VDAC1: variants seen among roughly 807,000 people sequenced by gnomAD.
VDAC1 encodes the protein non-selective voltage-gated ion channel VDAC1.
Under a neutral mutation model 34.7 loss-of-function variants are expected in VDAC1, and 10 were observed. The observed-to-expected ratio is 0.29, with a 90% CI of 0.18 to 0.49. The LOEUF is 0.49. Among genes scored for constraint, VDAC1 ranks in the 20% least tolerant of loss-of-function variants. The pLI, the probability that VDAC1 is intolerant of heterozygous loss-of-function variation, is 0.99. For missense variants in VDAC1, 230 were observed against 347.9 expected (o/e 0.66, Z 2.69); for synonymous variants, 130 against 136.0 (o/e 0.96, Z 0.30).
chr5:133,980,648 A>C, intron 6 of VDAC1, 81 bp downstream of exon 6: 1 of 1,024,382 alleles, frequency 9.8e-7, no homozygotes, highest in South Asian at 1.7e-5. Context: ...AAAAAAAAAA[A>C]AAAAACAGTG....
chr5:134,002,879 T>C (rs1210264920), intron 1 of VDAC1, among the ~76,000 whole-genome samples: 2 of 151,786 alleles, frequency 1.3e-5, no homozygotes, highest in East Asian at 1.9e-4. Flanking sequence ...GGTGGGAGGA[T>C]TGCCTGAACC....
At chr5:133,988,765 C>G (rs1315917418) in intron 5 of VDAC1, 1 of 146,218 alleles carries the variant, frequency 6.8e-6, no homozygotes, top group African/African-American at 2.6e-5. Flanking sequence ...CTCCGTCCCC[C>G]TCAACCCAAA....
At chr5:134,003,593 T>G (rs974859589) in intron 1 of VDAC1, among the ~76,000 whole-genome samples, 4 of 152,152 alleles carry the variant, frequency 2.6e-5, no homozygotes, top group Admixed American at 2.0e-4. Context: ...AGGAGCTACA[T>G]TTATTGAACC....
intron 1 of VDAC1, among the ~76,000 whole-genome samples, chr5:134,001,366 G>A (rs967619523): frequency 2.0e-5 from 3 of 152,134 alleles, no homozygotes; most frequent in Non-Finnish European, 4.4e-5. Context: ...CCCCAGAAAG[G>A]TGCTGAGCAA....
chr5:134,103,507 C>T, the VDAC1 span, among the ~76,000 whole-genome samples: 1 of 152,180 alleles, frequency 6.6e-6, no homozygotes, highest in South Asian at 2.1e-4. Context: ...AGATCGACTC[C>T]CCTCTGCAAG....
the VDAC1 span, among the ~76,000 whole-genome samples, chr5:134,107,451 G>A: frequency 1.3e-5 from 2 of 152,232 alleles, no homozygotes; most frequent in Admixed American, 6.5e-5. Context: ...CTGCCCCCAG[G>A]CCCCTACATG....
the VDAC1 span, among the ~76,000 whole-genome samples, chr5:134,098,459 G>A: frequency 2.7e-5 from 4 of 150,744 alleles, no homozygotes; most frequent in Admixed American, 2.0e-4. Context: ...TCCTGACTTC[G>A]GGTGATCTGC....
chr5:134,093,233 T>C, the VDAC1 span, among the ~76,000 whole-genome samples: 1 of 152,214 alleles, frequency 6.6e-6, no homozygotes. Flanking sequence ...GGGGAAGCCC[T>C]TGGCTTCCTA....
the VDAC1 span, among the ~76,000 whole-genome samples, chr5:134,094,171 G>C: frequency 2.0e-5 from 3 of 152,340 alleles, no homozygotes; most frequent in Admixed American, 2.0e-4. Flanking sequence ...AAGCAAGCAC[G>C]AAGCTATTCC....
At chr5:133,991,487 C>G (rs1753101647) in intron 3 of VDAC1, among the ~76,000 whole-genome samples, 1 of 152,220 alleles carries the variant, frequency 6.6e-6, no homozygotes, top group African/African-American at 2.4e-5. Flanking sequence ...AGCGGTAATT[C>G]AAACCCAAAA....
At chr5:134,109,770 C>CAAAAAAAAAAAAAAAAAAAAAAAAAAAA in the VDAC1 span, among the ~76,000 whole-genome samples, 13 of 140,276 alleles carry the variant, frequency 9.3e-5, no homozygotes, top group African/African-American at 2.5e-4. Context: ...GGCTCCATCT[C>CAAAAAAAAAAAAAAAAAAAAAAAAAAAA]AAAAAAAAAA....
the VDAC1 span, among the ~76,000 whole-genome samples, chr5:134,083,206 T>TTTG: frequency 6.7e-6 from 1 of 149,316 alleles, no homozygotes; most frequent in African/African-American, 2.5e-5. Context: ...TTTTTTTTTT[T>TTTG]GGGATGGGGT....
the VDAC1 span, among the ~76,000 whole-genome samples, chr5:134,043,483 C>T: frequency 6.6e-6 from 1 of 152,176 alleles, no homozygotes; most frequent in African/African-American, 2.4e-5. Context: ...CTCACCTCCT[C>T]CTCTCTGGTT....
the VDAC1 span, among the ~76,000 whole-genome samples, chr5:134,087,658 C>T: frequency 1.3e-5 from 2 of 151,668 alleles, no homozygotes; most frequent in Non-Finnish European, 2.9e-5. Flanking sequence ...AGTTCAAGAC[C>T]AGCCTGACCA....
At chr5:134,051,748 G>C in the VDAC1 span, among the ~76,000 whole-genome samples, 1 of 150,816 alleles carries the variant, frequency 6.6e-6, no homozygotes, top group African/African-American at 2.4e-5. Context: ...GCTTCAGCTG[G>C]AGTGCAATAG....
chr5:134,098,623 C>T, the VDAC1 span, among the ~76,000 whole-genome samples: 2 of 152,224 alleles, frequency 1.3e-5, no homozygotes, highest in Non-Finnish European at 2.9e-5. Context: ...GCCCTGACCA[C>T]CAGCTCCATC....
chr5:134,101,522 A>G, the VDAC1 span, among the ~76,000 whole-genome samples: 141,131 of 151,444 alleles, frequency 0.93, 65,866 homozygotes, highest in African/African-American at 0.98. Flanking sequence ...ATCCACCACC[A>G]CACTCCAGCC....
the VDAC1 span, among the ~76,000 whole-genome samples, chr5:134,067,765 C>A: frequency 6.6e-6 from 1 of 152,022 alleles, no homozygotes. Flanking sequence ...ACTTCCCTAG[C>A]TTCATGATCA....
intron 1 of VDAC1, among the ~76,000 whole-genome samples, chr5:133,995,890 G>T (rs1753282132): frequency 6.6e-6 from 1 of 152,154 alleles, no homozygotes; most frequent in Non-Finnish European, 1.5e-5. Context: ...ACCCTGCCAG[G>T]GTGCTGACTT....
Sources: allele counts gnomAD v4.1 joint callset (sites outside exome capture counted in the v4.1 genomes callset), GRCh38; gene constraint gnomAD v4.1.1; transcripts MANE v1.5; gene names NCBI Gene and HGNC (gene_info 2026-07-23, HGNC 2026-07-21).